CPN1: variants seen among roughly 807,000 people sequenced by gnomAD.
CPN1 encodes the protein carboxypeptidase N subunit 1.
Under a neutral mutation model 46.4 loss-of-function variants are expected in CPN1, and 37 were observed. The observed-to-expected ratio is 0.80, with a 90% CI of 0.61 to 1.05. The LOEUF is 1.05. CPN1 is among the 50% of genes least tolerant of loss of function. CPN1 has a pLI of 0.00. For missense variants in CPN1, 563 were observed against 602.6 expected (o/e 0.93, Z 0.69); for synonymous variants, 224 against 235.4 (o/e 0.95, Z 0.44).
At chr10:100,062,400 A>AG (rs1282459933) in intron 5 of CPN1, among the ~76,000 whole-genome samples, 1 of 152,086 alleles carries the variant, frequency 6.6e-6, no homozygotes, top group Non-Finnish European at 1.5e-5. Flanking sequence ...CCTGGCAGTT[A>AG]GGGTCCAGGG....
At chr10:100,054,248 C>T (rs1329952745) in intron 7 of CPN1, 99 bp downstream of exon 7, 7 of 907,690 alleles carry the variant, frequency 7.7e-6, no homozygotes, top group East Asian at 7.3e-5. Flanking sequence ...CCTTGACACC[C>T]CTGCTGGTTT....
At chr10:100,047,752 G>A (rs575730759) in intron 8 of CPN1, among the ~76,000 whole-genome samples, 3 of 152,202 alleles carry the variant, frequency 2.0e-5, no homozygotes, top group South Asian at 2.1e-4. Context: ...TTGGGAGGCC[G>A]AGGTGGGCAG....
At chr10:100,063,856 A>T (rs947576633) in intron 4 of CPN1, 131 bp from the exon 5 acceptor site, 1 of 725,502 alleles carries the variant, frequency 1.4e-6, no homozygotes, top group African/African-American at 1.7e-5. Flanking sequence ...CTTTAGTGAA[A>T]GAAAATAGGA....
chr10:100,046,095 C>G (rs1420315821), intron 8 of CPN1, among the ~76,000 whole-genome samples: 1 of 152,176 alleles, frequency 6.6e-6, no homozygotes, highest in African/African-American at 2.4e-5. Flanking sequence ...CTTTGCTTCT[C>G]ATCCTATCTA....
rs775743949 is a variant in CPN1, at chr10:100,075,934, C to T, written c.397G>A (p.Gly133Ser). 45 of 1,613,942 alleles carry T rather than the reference C, an allele frequency of 2.8e-5. No individual in the cohort carries two copies. The highest frequency in any genetic ancestry group is 3.4e-5 in the Non-Finnish European group (40 of 1,180,048). ...IHILPSMNPD[G>S]YEVAAAQGPN... ...ACCTGGGCAGCAGCCACCTCGTAGC[C>T]GTCGGGGTTCATGGATGGCAGGATG... Residue 133 changes from glycine to serine, a missense_variant, in exon 2 of 9, where the codon GGC (glycine) becomes AGC (serine). Transcript: ENST00000370418.
chr10:100,078,754 C>G (rs2041528700), intron 1 of CPN1, among the ~76,000 whole-genome samples: 1 of 152,198 alleles, frequency 6.6e-6, no homozygotes, highest in South Asian at 2.1e-4. Context: ...AAATTTAAGA[C>G]AGATCGTCTC....
At chr10:100,063,787 A>G in intron 4 of CPN1, 62 bp from the exon 5 acceptor site, 2 of 1,233,836 alleles carry the variant, frequency 1.6e-6, no homozygotes, top group South Asian at 1.2e-5. Flanking sequence ...CAATGCTCCT[A>G]CTCACAACTA....
Position 100,065,337 on chromosome 10 carries a change from T to C in CPN1, c.610A>G (p.Met204Val). 1 of 1,613,994 alleles carries C rather than the reference T, an allele frequency of 6.2e-7. No individual in the cohort carries two copies. The highest frequency in any genetic ancestry group is 8.5e-7 in the Non-Finnish European group (1 of 1,179,992). Residue 204 changes from methionine to valine, a missense_variant, in exon 4 of 9, where the codon ATG becomes GTG. By Grantham distance (21) the Met-to-Val change is conservative. Transcript: ENST00000370418. Reference protein sequence around the residue: ...EPETRAVIRWMHSFNFVLSAN... With the variant: ...EPETRAVIRWVHSFNFVLSAN... Reference sequence around the variant, plus strand: ...GAAAGAACAAAGTTGAAGGAGTGCATCCACCGGATCACCGCCCGGGTCTCG... The same window carrying C: ...GAAAGAACAAAGTTGAAGGAGTGCACCCACCGGATCACCGCCCGGGTCTCG...
intron 5 of CPN1, among the ~76,000 whole-genome samples, chr10:100,059,458 T>C (rs1343681623): frequency 2.0e-5 from 3 of 151,930 alleles, no homozygotes; most frequent in East Asian, 1.9e-4. Context: ...AGGACTTGAA[T>C]AGACATTTCT....
At chr10:100,045,041 A>G in intron 8 of CPN1, among the ~76,000 whole-genome samples, 1 of 152,158 alleles carries the variant, frequency 6.6e-6, no homozygotes, top group East Asian at 1.9e-4. Flanking sequence ...TTTCCCAGAC[A>G]GATGGATATC....
At chr10:100,052,320 C>T (rs534951100) in intron 7 of CPN1, among the ~76,000 whole-genome samples, 42 of 152,108 alleles carry the variant, frequency 2.8e-4, no homozygotes, top group Non-Finnish European at 5.0e-4. Flanking sequence ...ATCCCCCCAC[C>T]TCGGCCTCCC....
At chr10:100,073,256 AATG>A (rs1336206251) in intron 2 of CPN1, among the ~76,000 whole-genome samples, 12 of 152,176 alleles carry the variant, frequency 7.9e-5, no homozygotes, top group Admixed American at 7.2e-4. Flanking sequence ...TCTGTGACAT[AATG>A]ATTTTCTTTA....
chr10:100,081,428 G>A lies in CPN1; in HGVS notation c.198C>T (p.Ser66=), dbSNP rs1391259044. Residue 66 remains serine, a synonymous_variant, in exon 1 of 9, where the codon AGC becomes AGT. Coordinates refer to ENST00000370418, the MANE Select transcript of CPN1 (RefSeq NM_001308.3). The part of the protein sequence containing the change: ...EGRHLYVLEF[S]DHPGIHEPLE... The stretch of plus-strand genomic sequence containing the variant: ...AGGGCTCGTGGATTCCAGGGTGGTC[G>A]CTGAACTCCAGCACGTAGAGGTGTC... 6.2e-7 allele frequency: 1 copy of A among 1,613,134 alleles called. No homozygotes were observed. The highest frequency in any genetic ancestry group is 8.5e-7 in the Non-Finnish European group (1 of 1,179,976).
chr10:100,074,311 C>T (rs528595900), intron 2 of CPN1, among the ~76,000 whole-genome samples: 14 of 152,282 alleles, frequency 9.2e-5, no homozygotes, highest in African/African-American at 1.2e-4. Flanking sequence ...TGGGTCCTCT[C>T]GGGTTCAGGT....
intron 3 of CPN1, among the ~76,000 whole-genome samples, chr10:100,069,364 C>T (rs2041471850): frequency 6.6e-6 from 1 of 151,942 alleles, no homozygotes; most frequent in African/African-American, 2.4e-5. Context: ...ATCTTTAATC[C>T]CAGCTACTCA....
chr10:100,075,778 C>G (rs2041509828), intron 2 of CPN1, 133 bp downstream of exon 2: 1 of 1,006,304 alleles, frequency 9.9e-7, no homozygotes, highest in South Asian at 1.4e-5. Flanking sequence ...TGGATTTTTT[C>G]TCTTGGCCAT....
intron 3 of CPN1, among the ~76,000 whole-genome samples, chr10:100,068,351 C>T (rs2041466447): frequency 6.6e-6 from 1 of 151,416 alleles, no homozygotes; most frequent in Admixed American, 6.6e-5. Flanking sequence ...GTAGCTGGGA[C>T]TGCAGGCGCC....
chr10:100,072,316 C>T (rs776202326), intron 2 of CPN1, among the ~76,000 whole-genome samples: 16 of 152,056 alleles, frequency 1.1e-4, no homozygotes, highest in African/African-American at 3.4e-4. Flanking sequence ...CTGGTGTTTA[C>T]AGGCACGCGC....
intron 3 of CPN1, among the ~76,000 whole-genome samples, chr10:100,065,967 G>GT (rs1255452798): frequency 6.8e-6 from 1 of 146,202 alleles, no homozygotes; most frequent in South Asian, 2.3e-4. Context: ...TTTTTGTTTT[G>GT]TTTTTTGAGA....
Sources: allele counts gnomAD v4.1 joint callset (sites outside exome capture counted in the v4.1 genomes callset), GRCh38; gene constraint gnomAD v4.1.1; transcripts MANE v1.5; gene names NCBI Gene and HGNC (gene_info 2026-07-23, HGNC 2026-07-21).